EEIG2: variants seen among roughly 807,000 people sequenced by gnomAD.
The protein encoded by EEIG2 is family with sequence similarity 102 member B.
At chr1:108,619,770 G>A in the EEIG2 span, among the ~76,000 whole-genome samples, 58 of 152,254 alleles carry the variant, frequency 3.8e-4, no homozygotes, top group Admixed American at 1.2e-3. Context: ...TGCGCCTGTC[G>A]TCCCAGCTAC....
the EEIG2 span, among the ~76,000 whole-genome samples, chr1:108,585,058 G>T: frequency 6.6e-6 from 1 of 152,006 alleles, no homozygotes; most frequent in Non-Finnish European, 1.5e-5. Flanking sequence ...ATCAAACTAG[G>T]AATACAGATA....
At chr1:108,617,293 A>T in the EEIG2 span, among the ~76,000 whole-genome samples, 2 of 152,182 alleles carry the variant, frequency 1.3e-5, no homozygotes, top group African/African-American at 4.8e-5. Context: ...TGTGGCTGCT[A>T]GATAGGGAAT....
At chr1:108,604,750 C>T in the EEIG2 span, among the ~76,000 whole-genome samples, 4 of 150,976 alleles carry the variant, frequency 2.6e-5, no homozygotes, top group Non-Finnish European at 4.4e-5. Context: ...TATAAAGGGC[C>T]GAGTACAGTG....
At chr1:108,628,721 T>C in the EEIG2 span, 1 of 1,613,200 alleles carries the variant, frequency 6.2e-7, no homozygotes, top group Non-Finnish European at 8.5e-7. Flanking sequence ...CTGAAGCGAG[T>C]TGATGACACC....
chr1:108,592,578 T>A, the EEIG2 span, among the ~76,000 whole-genome samples: 1 of 152,190 alleles, frequency 6.6e-6, no homozygotes, highest in Non-Finnish European at 1.5e-5. Flanking sequence ...GGATAGGGGC[T>A]TATTGCCCAG....
the EEIG2 span, among the ~76,000 whole-genome samples, chr1:108,622,560 G>GTACAAAGTCATGTA: frequency 6.6e-6 from 1 of 152,226 alleles, no homozygotes; most frequent in African/African-American, 2.4e-5. Context: ...TTTGTGGATT[G>GTACAAAGTCATGTA]CAATGACATT....
chr1:108,607,803 T>C, the EEIG2 span, among the ~76,000 whole-genome samples: 20,797 of 152,174 alleles, frequency 0.14, 2,068 homozygotes, highest in African/African-American at 0.28. Context: ...AACCATACTT[T>C]CTCTCCATTC....
the EEIG2 span, chr1:108,612,045 T>TA: frequency 1.8e-6 from 1 of 563,036 alleles, no homozygotes; most frequent in Non-Finnish European, 3.2e-6. Flanking sequence ...GAACAGGTAT[T>TA]AAGAGTCAAA....
the EEIG2 span, among the ~76,000 whole-genome samples, chr1:108,614,205 TA>T: frequency 5.5e-4 from 56 of 101,222 alleles, no homozygotes; most frequent in Admixed American, 1.2e-3. Context: ...ACCCCATCTC[TA>T]AAAAAAAAAA....
At chr1:108,595,174 A>G in the EEIG2 span, among the ~76,000 whole-genome samples, 1 of 152,280 alleles carries the variant, frequency 6.6e-6, no homozygotes, top group South Asian at 2.1e-4. Context: ...TTATTTCACA[A>G]ACAAATGAAA....
chr1:108,584,200 T>C, the EEIG2 span, among the ~76,000 whole-genome samples: 1 of 152,056 alleles, frequency 6.6e-6, no homozygotes, highest in African/African-American at 2.4e-5. Flanking sequence ...AACAGCAATA[T>C]TTTATTTATT....
At chr1:108,564,766 A>G in the EEIG2 span, among the ~76,000 whole-genome samples, 14 of 151,806 alleles carry the variant, frequency 9.2e-5, no homozygotes, top group African/African-American at 3.4e-4. Context: ...AACATGGCAA[A>G]ACCCCATTTC....
the EEIG2 span, among the ~76,000 whole-genome samples, chr1:108,582,059 T>G: frequency 6.6e-6 from 1 of 152,168 alleles, no homozygotes; most frequent in Non-Finnish European, 1.5e-5. Flanking sequence ...CATCAAGGTT[T>G]GCTACCAACA....
At chr1:108,560,389 C>G in the EEIG2 span, 1 of 1,519,812 alleles carries the variant, frequency 6.6e-7, no homozygotes, top group Non-Finnish European at 8.8e-7. Context: ...GGCGGCGGCG[C>G]CCGGCCGTGC....
At chr1:108,575,120 T>A in the EEIG2 span, among the ~76,000 whole-genome samples, 5 of 152,234 alleles carry the variant, frequency 3.3e-5, no homozygotes, top group Non-Finnish European at 7.3e-5. Context: ...GTCAGACTGT[T>A]TTTTAAAGAG....
At chr1:108,574,782 A>T in the EEIG2 span, among the ~76,000 whole-genome samples, 7 of 152,168 alleles carry the variant, frequency 4.6e-5, no homozygotes, top group Non-Finnish European at 1.0e-4. Flanking sequence ...GGTCAATTTT[A>T]TGAGTATTTT....
chr1:108,603,700 T>C, the EEIG2 span, among the ~76,000 whole-genome samples: 1 of 152,190 alleles, frequency 6.6e-6, no homozygotes, highest in South Asian at 2.1e-4. Context: ...TTTGGAAAGA[T>C]CAAAGACAAA....
At chr1:108,622,538 A>G in the EEIG2 span, among the ~76,000 whole-genome samples, 1 of 152,226 alleles carries the variant, frequency 6.6e-6, no homozygotes, top group Non-Finnish European at 1.5e-5. Flanking sequence ...CCGTAATTCT[A>G]GTTTTGGTGA....
At chr1:108,614,086 C>T in the EEIG2 span, among the ~76,000 whole-genome samples, 5 of 151,812 alleles carry the variant, frequency 3.3e-5, no homozygotes, top group Admixed American at 1.3e-4. Flanking sequence ...TTACCACTCT[C>T]CCACTATCCA....
Sources: gnomAD v4.1 joint callset for allele counts (sites outside exome capture counted in the v4.1 genomes callset) on GRCh38, gnomAD v4.1.1 for gene constraint, MANE v1.5 for transcripts, NCBI Gene and HGNC (gene_info 2026-07-23, HGNC 2026-07-21) for gene names.